MEI4: variants seen among roughly 807,000 people sequenced by gnomAD.
The protein encoded by MEI4 is meiotic double-stranded break formation protein 4, also known as meiosis-specific protein MEI4.
A neutral mutation model predicts 31.4 loss-of-function variants in MEI4; 27 were observed. The ratio of observed to expected loss-of-function variants is 0.86; its 90% CI spans 0.63 to 1.19. MEI4 has a LOEUF of 1.19. Ranked by LOEUF, MEI4 falls within the 50% of genes most tolerant of loss-of-function variation. The pLI, the probability that MEI4 is intolerant of heterozygous loss-of-function variation, is 0.00. For missense variants in MEI4, 329 were observed against 398.9 expected, an observed-to-expected ratio of 0.82 and a Z score of 1.49; for synonymous variants, 122 against 145.4, an observed-to-expected ratio of 0.84 and a Z score of 1.16.
intron 4 of MEI4, among the ~76,000 whole-genome samples, chr6:77,861,238 G>A (rs573849831): frequency 6.6e-6 from 1 of 152,280 alleles, no homozygotes; most frequent in South Asian, 2.1e-4. Flanking sequence ...TGGTACAAAA[G>A]TACTGGTGAT....
chr6:77,696,835 G>T (rs1217542523), intron 2 of MEI4, among the ~76,000 whole-genome samples: 1 of 152,134 alleles, frequency 6.6e-6, no homozygotes, highest in Non-Finnish European at 1.5e-5. Context: ...GTTTCAGAAG[G>T]AATGGTACCA....
intron 4 of MEI4, among the ~76,000 whole-genome samples, chr6:77,883,460 C>T (rs114498146): frequency 6.6e-6 from 1 of 151,512 alleles, no homozygotes; most frequent in African/African-American, 2.4e-5. Flanking sequence ...CCCGCCTCCC[C>T]CCGTGAGCCT....
intron 1 of MEI4, among the ~76,000 whole-genome samples, chr6:77,668,765 A>G (rs891590485): frequency 6.6e-6 from 1 of 152,200 alleles, no homozygotes; most frequent in Non-Finnish European, 1.5e-5. Flanking sequence ...TTATATCATA[A>G]AATGCTATTG....
intron 3 of MEI4, among the ~76,000 whole-genome samples, chr6:77,778,634 A>C (rs576922481): frequency 4.6e-5 from 7 of 152,168 alleles, no homozygotes; most frequent in Non-Finnish European, 7.4e-5. Context: ...CAAGAGGTCA[A>C]GGCTACTGCA....
At chr6:77,890,003 C>G (rs1431627110) in intron 4 of MEI4, among the ~76,000 whole-genome samples, 2 of 152,198 alleles carry the variant, frequency 1.3e-5, no homozygotes, top group Admixed American at 1.3e-4. Context: ...GCTTGGATGT[C>G]CAGGAAGAAG....
chr6:77,795,279 T>C (rs913236126), intron 3 of MEI4, among the ~76,000 whole-genome samples: 1 of 152,198 alleles, frequency 6.6e-6, no homozygotes, highest in African/African-American at 2.4e-5. Flanking sequence ...CTGACTTCAC[T>C]GTCACCAACA....
intron 1 of MEI4, among the ~76,000 whole-genome samples, chr6:77,684,375 T>G (rs1300240336): frequency 6.6e-6 from 1 of 152,128 alleles, no homozygotes; most frequent in Non-Finnish European, 1.5e-5. Context: ...AACATTTATC[T>G]TTTGAGTTAG....
At chr6:77,681,915 G>A (rs546094288) in intron 1 of MEI4, among the ~76,000 whole-genome samples, 9 of 152,060 alleles carry the variant, frequency 5.9e-5, no homozygotes, top group East Asian at 1.9e-4. Context: ...TTGAAATCTC[G>A]AGTAAATCCT....
intron 4 of MEI4, among the ~76,000 whole-genome samples, chr6:77,841,770 C>T (rs1770371797): frequency 6.6e-6 from 1 of 151,844 alleles, no homozygotes; most frequent in South Asian, 2.1e-4. Flanking sequence ...AAACATTAAT[C>T]CAAAGAAAGT....
At chr6:77,665,416 C>T (rs1768610392) in intron 1 of MEI4, among the ~76,000 whole-genome samples, 1 of 152,026 alleles carries the variant, frequency 6.6e-6, no homozygotes, top group African/African-American at 2.4e-5. Context: ...TTGCCCCTGC[C>T]CCAGGAAAGC....
Position 77,722,542 on chromosome 6 carries a change from C to T in MEI4, c.232+31639C>T, listed in dbSNP as rs1405389101. ...AATGCCATCTTCATTTTTCCCTAGT[C>T]CCTTTCCTGGTATATATCCCCTCTT... On this transcript the variant is annotated intron_variant, in intron 2 of 4. Coordinates refer to ENST00000684080, the MANE Select transcript of MEI4 (RefSeq NM_001322247.2). Among the ~76,000 whole-genome samples, 4 of 151,004 alleles carry T rather than the reference C, an allele frequency of 2.6e-5. No homozygotes were observed. The East Asian group carries it at 5.8e-4, about 22-fold the overall frequency.
intron 4 of MEI4, among the ~76,000 whole-genome samples, chr6:77,862,593 G>A (rs1475877989): frequency 1.3e-5 from 2 of 152,200 alleles, no homozygotes; most frequent in Admixed American, 1.3e-4. Context: ...CTAACTGGGG[G>A]GAGCCCACCA....
intron 3 of MEI4, among the ~76,000 whole-genome samples, chr6:77,772,626 G>GA (rs924629605): frequency 5.3e-5 from 8 of 151,932 alleles, no homozygotes; most frequent in Non-Finnish European, 1.2e-4. Flanking sequence ...TACTGAATGG[G>GA]AAAAAACTGA....
chr6:77,822,636 T>C (rs924253869), intron 3 of MEI4, among the ~76,000 whole-genome samples: 3 of 147,284 alleles, frequency 2.0e-5, no homozygotes, highest in Non-Finnish European at 4.5e-5. Context: ...TTTTTTTTTC[T>C]TGAGACAGAG....
At chr6:77,757,154 A>G (rs1403251485) in intron 2 of MEI4, among the ~76,000 whole-genome samples, 1 of 152,208 alleles carries the variant, frequency 6.6e-6, no homozygotes, top group African/African-American at 2.4e-5. Context: ...AGATCAAAAT[A>G]ACATATCTTT....
At chr6:77,876,310 A>G (rs1771336109) in intron 4 of MEI4, among the ~76,000 whole-genome samples, 1 of 152,200 alleles carries the variant, frequency 6.6e-6, no homozygotes. Context: ...CTCTGCCCTA[A>G]TGAATGGATT....
chr6:77,755,161 C>T (rs1274618348), intron 2 of MEI4, among the ~76,000 whole-genome samples: 1 of 151,578 alleles, frequency 6.6e-6, no homozygotes, highest in African/African-American at 2.4e-5. Context: ...ACAAGTGGTA[C>T]ACAGTGTCCT....
At chr6:77,690,049 T>G (rs1040785261) in intron 1 of MEI4, among the ~76,000 whole-genome samples, 3 of 151,996 alleles carry the variant, frequency 2.0e-5, no homozygotes, top group Admixed American at 6.6e-5. Context: ...TGGAAATCTT[T>G]GGAAGTGAAG....
chr6:77,675,454 T>C (rs1768825944), intron 1 of MEI4, among the ~76,000 whole-genome samples: 1 of 152,080 alleles, frequency 6.6e-6, no homozygotes, highest in Non-Finnish European at 1.5e-5. Flanking sequence ...AGAAGTCTTC[T>C]ATACTGAGTG....
Sources: allele counts gnomAD v4.1 joint callset (sites outside exome capture counted in the v4.1 genomes callset), GRCh38; gene constraint gnomAD v4.1.1; transcripts MANE v1.5; gene names NCBI Gene and HGNC (gene_info 2026-07-23, HGNC 2026-07-21).